Variants in ELP1 observed in about 807,000 individuals in gnomAD.
The protein encoded by ELP1 is elongator acetyltransferase complex subunit 1, also known as elongator complex protein 1.
In ELP1, 131 loss-of-function variants were observed where a neutral mutation model predicts 183.2. The observed-to-expected ratio is 0.72, with a 90% confidence interval of 0.62 to 0.83. The LOEUF (loss-of-function observed/expected upper bound fraction) is 0.83. Among genes scored for constraint, ELP1 ranks in the 40% least tolerant of loss-of-function variants. The pLI, the probability that ELP1 is intolerant of heterozygous loss-of-function variation, is 0.00. For synonymous variants in ELP1, 555 were observed against 569.0 expected, an observed-to-expected ratio of 0.98 and a Z score of 0.35; for missense variants, 1,550 against 1,594.9, an observed-to-expected ratio of 0.97 and a Z score of 0.48.
chr9:108,883,993 T>C (rs1013022392), intron 29 of ELP1, among the ~76,000 whole-genome samples: 3 of 150,838 alleles, frequency 2.0e-5, no homozygotes, highest in Non-Finnish European at 4.4e-5. Flanking sequence ...GATTGTCAAA[T>C]TAGATTTAAA....
At chr9:108,889,934 T>C (rs1409497454) in intron 28 of ELP1, among the ~76,000 whole-genome samples, 1 of 152,218 alleles carries the variant, frequency 6.6e-6, no homozygotes, top group Non-Finnish European at 1.5e-5. Flanking sequence ...ACCTTTCTTT[T>C]GCTCTCTTGT....
rs138176825 is a variant in ELP1 at position 108,908,060 on chromosome 9, G to A, written c.1460+245C>T. 3.3e-4 allele frequency among the ~76,000 whole-genome samples: 51 copies of A among 152,252 alleles called. No homozygotes were observed. In the East Asian group the frequency reaches 8.5e-3, roughly 25 times the overall value. On this transcript the variant is annotated intron_variant, in intron 13 of 36. Transcript: ENST00000374647. ...CATGATTTTTCCTGGAGAACCAAGC[G>A]CTATTGGGAGTAGGTCCTAGGCTGG...
intron 29 of ELP1, among the ~76,000 whole-genome samples, chr9:108,883,814 G>A (rs976466024): frequency 6.6e-6 from 1 of 151,626 alleles, no homozygotes; most frequent in Non-Finnish European, 1.5e-5. Flanking sequence ...GAGGTAAAAT[G>A]GAATTATGAA....
chr9:108,873,810 CA>C (rs1827582067), intron 36 of ELP1, among the ~76,000 whole-genome samples: 2 of 151,972 alleles, frequency 1.3e-5, no homozygotes, highest in African/African-American at 2.4e-5. Context: ...CACTTGAGAC[CA>C]GGAGGCTGAG....
At chr9:108,905,559 A>G (rs1402845017) in intron 14 of ELP1, among the ~76,000 whole-genome samples, 1 of 152,222 alleles carries the variant, frequency 6.6e-6, no homozygotes, top group East Asian at 1.9e-4. Context: ...TAGGATATAT[A>G]GAAGAGGAGG....
At chr9:108,879,360 G>C in intron 33 of ELP1, 86 bp downstream of exon 33, 3 of 955,350 alleles carry the variant, frequency 3.1e-6, no homozygotes, top group Non-Finnish European at 5.1e-6. Flanking sequence ...CCACTACACC[G>C]TCCCAGTAGA....
intron 5 of ELP1, among the ~76,000 whole-genome samples, chr9:108,924,562 T>G (rs1430715348): frequency 2.6e-5 from 4 of 152,168 alleles, no homozygotes; most frequent in African/African-American, 9.7e-5. Flanking sequence ...TCTCTCTGAC[T>G]GTCCTCAAAG....
At chr9:108,909,372 G>A (rs951134168) in intron 12 of ELP1, among the ~76,000 whole-genome samples, 16 of 152,040 alleles carry the variant, frequency 1.1e-4, no homozygotes, top group Non-Finnish European at 2.4e-4. Flanking sequence ...AAACAATCAA[G>A]AAGCAATGAG....
rs1827301971 is a variant in ELP1 at position 108,868,048 on chromosome 9, A to G, written c.*1067T>C. 1 of 152,226 alleles carries G rather than the reference A, an allele frequency of 6.6e-6. No individual in the cohort carries two copies. Among genetic ancestry groups the G allele is most frequent in the Non-Finnish European group, 1.5e-5 (1 of 68,048 alleles). 9.4% of individuals were successfully genotyped at this position (152,226 alleles called of 1,614,324 possible). A position where few individuals can be genotyped will look rare whatever the true frequency, so the allele number is the denominator to read the frequency against. On this transcript the variant is annotated 3_prime_UTR_variant, in exon 37 of 37. Coordinates refer to ENST00000374647, the MANE Select transcript of ELP1 (RefSeq NM_003640.5). ...TGGTCACAGGGGCAGATCCTACGTGAATCGCTTGTGCCATCCTCGTGGTAA... is the reference window on the plus strand; with the variant it reads ...TGGTCACAGGGGCAGATCCTACGTGGATCGCTTGTGCCATCCTCGTGGTAA...
At chr9:108,886,187 G>T (rs1564076932) in intron 29 of ELP1, among the ~76,000 whole-genome samples, 1 of 152,080 alleles carries the variant, frequency 6.6e-6, no homozygotes, top group Non-Finnish European at 1.5e-5. Context: ...GGCCTCCTAG[G>T]TAAAGTCTGT....
At chr9:108,900,095 G>A (rs1486788403) in intron 19 of ELP1, among the ~76,000 whole-genome samples, 165 bp downstream of exon 19, 1 of 152,186 alleles carries the variant, frequency 6.6e-6, no homozygotes, top group Non-Finnish European at 1.5e-5. Context: ...GTCACAGCCT[G>A]TATCAACACT....
At chr9:108,871,734 T>C (rs1383629537) in intron 36 of ELP1, among the ~76,000 whole-genome samples, 1 of 152,248 alleles carries the variant, frequency 6.6e-6, no homozygotes, top group Non-Finnish European at 1.5e-5. Context: ...CTTTTTGCTT[T>C]AAGTTCTCAT....
intron 18 of ELP1, 33 bp downstream of exon 18, chr9:108,901,392 G>C (rs1490989965): frequency 7.0e-7 from 1 of 1,426,032 alleles, no homozygotes; most frequent in Admixed American, 1.7e-5. Flanking sequence ...ATTGGAGAAG[G>C]GACCATTTCT....
chr9:108,925,793 T>A (rs1032271521), intron 5 of ELP1, among the ~76,000 whole-genome samples: 2 of 152,140 alleles, frequency 1.3e-5, no homozygotes, highest in Non-Finnish European at 2.9e-5. Flanking sequence ...CAAGCAATCC[T>A]CCTGCCTCAT....
chr9:108,909,945 A>G (rs886855589), intron 12 of ELP1, among the ~76,000 whole-genome samples: 6 of 152,192 alleles, frequency 3.9e-5, no homozygotes, highest in Admixed American at 3.3e-4. Flanking sequence ...ATATATATAC[A>G]TATACATATG....
At chr9:108,915,758 A>AC (rs988205076) in intron 10 of ELP1, among the ~76,000 whole-genome samples, 4 of 149,804 alleles carry the variant, frequency 2.7e-5, no homozygotes, top group Non-Finnish European at 3.0e-5. Context: ...TTATATTCGT[A>AC]TTTTTTTCAA....
intron 22 of ELP1, 94 bp downstream of exon 22, chr9:108,898,408 G>A: frequency 2.4e-6 from 2 of 831,750 alleles, no homozygotes; most frequent in Non-Finnish European, 3.9e-6. Context: ...GAACAGTAAG[G>A]AATTTTTCTT....
At chr9:108,907,074 T>C (rs1316217281) in intron 13 of ELP1, among the ~76,000 whole-genome samples, 3 of 152,164 alleles carry the variant, frequency 2.0e-5, no homozygotes, top group Non-Finnish European at 4.4e-5. Flanking sequence ...TAGCCTGATC[T>C]TCCTCCTCAA....
intron 34 of ELP1, 79 bp from the exon 35 acceptor site, chr9:108,878,228 A>G: frequency 3.1e-6 from 4 of 1,291,794 alleles, no homozygotes; most frequent in Non-Finnish European, 4.4e-6. Flanking sequence ...TTCTATCCAA[A>G]GCCAAAAATT....
Sources: allele counts gnomAD v4.1 joint callset (sites outside exome capture counted in the v4.1 genomes callset), GRCh38; gene constraint gnomAD v4.1.1; transcripts MANE v1.5; gene names NCBI Gene and HGNC (gene_info 2026-07-23, HGNC 2026-07-21).